FLT1: variants seen among roughly 807,000 people sequenced by gnomAD.
The protein encoded by FLT1 is vascular endothelial growth factor receptor 1.
In FLT1, 49 loss-of-function variants were observed where a neutral mutation model predicts 156.3. The observed-to-expected ratio is 0.31, with a 90% confidence interval of 0.25 to 0.40. The LOEUF (loss-of-function observed/expected upper bound fraction) is 0.40. Ranked by LOEUF, FLT1 falls within the 10% of genes least tolerant of loss-of-function variation. FLT1 has a pLI of 1.00. For missense variants in FLT1, 1,322 were observed against 1,637.2 expected, an observed-to-expected ratio of 0.81 and a Z score of 3.32; for synonymous variants, 594 against 583.8, an observed-to-expected ratio of 1.02 and a Z score of -0.25.
intron 25 of FLT1, among the ~76,000 whole-genome samples, chr13:28,314,406 A>T (rs1467149764): frequency 1.3e-5 from 2 of 152,242 alleles, no homozygotes; most frequent in Non-Finnish European, 2.9e-5. Context: ...AAAGAAAAAA[A>T]AAATAAAAAA....
intron 10 of FLT1, among the ~76,000 whole-genome samples, chr13:28,420,761 T>C (rs1415933497): frequency 1.3e-5 from 2 of 152,222 alleles, no homozygotes; most frequent in Admixed American, 1.3e-4. Flanking sequence ...TAACTACCAT[T>C]AACAATTGTC....
At chr13:28,480,882 C>T (rs583105) in intron 1 of FLT1, among the ~76,000 whole-genome samples, 13 of 152,248 alleles carry the variant, frequency 8.5e-5, no homozygotes, top group African/African-American at 1.9e-4. Flanking sequence ...CAGAGCACCA[C>T]GGAAGACGAC....
intron 3 of FLT1, 135 bp downstream of exon 3, chr13:28,466,768 A>G (rs755510360): frequency 2.8e-6 from 2 of 726,464 alleles, no homozygotes; most frequent in South Asian, 3.0e-5. Context: ...AAGTGTCTAC[A>G]ACTAGGATGG....
chr13:28,466,249 A>G (rs1040003591), intron 3 of FLT1, among the ~76,000 whole-genome samples: 3 of 152,220 alleles, frequency 2.0e-5, no homozygotes, highest in Non-Finnish European at 4.4e-5. Context: ...TCATTCTCTA[A>G]GGAAGGAAGA....
chr13:28,311,456 T>TTCTTTCTTTCTTTCTC (rs749936074), intron 27 of FLT1, 134 bp downstream of exon 27: 7 of 803,520 alleles, frequency 8.7e-6, no homozygotes, highest in South Asian at 1.8e-5. Flanking sequence ...AACATAATCT[T>TTCTTTCTTTCTTTCTC]TCTTTCTTTC....
chr13:28,368,567 AATG>A (rs754474404), intron 14 of FLT1: 55 of 1,474,402 alleles, frequency 3.7e-5, no homozygotes, highest in East Asian at 3.4e-4. Flanking sequence ...TGATGATGAT[AATG>A]ATGATAGCTA....
At chr13:28,319,952 T>C (rs1871373144) in intron 23 of FLT1, among the ~76,000 whole-genome samples, 1 of 152,190 alleles carries the variant, frequency 6.6e-6, no homozygotes, top group African/African-American at 2.4e-5. Flanking sequence ...AAAGCATTCC[T>C]ATGCAAAAAG....
At chr13:28,342,397 T>C (rs1364942439) in intron 16 of FLT1, among the ~76,000 whole-genome samples, 1 of 152,196 alleles carries the variant, frequency 6.6e-6, no homozygotes, top group Non-Finnish European at 1.5e-5. Context: ...CCCTTGCAGA[T>C]TTGGCAAGTT....
intron 10 of FLT1, among the ~76,000 whole-genome samples, chr13:28,412,381 T>TTTCCTTCCTTCC (rs771570277): frequency 2.3e-5 from 2 of 88,208 alleles, no homozygotes; most frequent in African/African-American, 7.6e-5. Flanking sequence ...TCTTTCTTTC[T>TTTCCTTCCTTCC]TTCTTTCTTT....
At chr13:28,417,119 A>C in intron 10 of FLT1, among the ~76,000 whole-genome samples, 1 of 152,212 alleles carries the variant, frequency 6.6e-6, no homozygotes, top group East Asian at 1.9e-4. Context: ...TCTGGCCAAT[A>C]GATAGCAGAA....
Position 28,339,315 on chromosome 13 carries a change from G to A in FLT1, c.2356-15C>T, listed in dbSNP as rs2138851964. Reference sequence around the variant, plus strand: ...TCAGAAGAAGACTGAGAAATAAAGAGATCTCAAAGTCATCGAGAAGAAAAC... The same window carrying A: ...TCAGAAGAAGACTGAGAAATAAAGAAATCTCAAAGTCATCGAGAAGAAAAC... On this transcript the variant is annotated splice_polypyrimidine_tract_variant and intron_variant, in intron 16 of 29. Transcript: ENST00000282397. The A allele has an allele frequency of 6.2e-7, 1 of 1,611,730 alleles. No individual in the cohort carries two copies. Among genetic ancestry groups the A allele is most frequent in the Non-Finnish European group, 8.5e-7 (1 of 1,178,688 alleles).
In FLT1 at chr13:28,429,884, G is replaced by T. The variant is rs186943830; in HGVS notation, c.1106+166C>A. The stretch of plus-strand genomic sequence containing the variant: ...TTGCTACATTATTTCCTTTTCCCCA[G>T]CCCTTCTCACCTCCACCACCCAAGA... On this transcript the variant is annotated intron_variant, in intron 8 of 29. Transcript: ENST00000282397. Among the ~76,000 whole-genome samples, 23 of 152,202 alleles carry T rather than the reference G, an allele frequency of 1.5e-4. No homozygotes were observed. In the East Asian group the frequency reaches 4.3e-3, roughly 28 times the overall value.
chr13:28,344,007 G>GCCCCCCCCCCCCCCC (rs1555302045), intron 16 of FLT1, among the ~76,000 whole-genome samples: 1 of 146,072 alleles, frequency 6.8e-6, no homozygotes. Context: ...ATTCACTCTT[G>GCCCCCCCCCCCCCCC]CCCCCCACCA....
intron 6 of FLT1, among the ~76,000 whole-genome samples, chr13:28,433,161 G>A (rs1877798148): frequency 6.6e-6 from 1 of 152,188 alleles, no homozygotes; most frequent in African/African-American, 2.4e-5. Context: ...AGAAATGGGG[G>A]CTAGAACTAC....
At chr13:28,375,354 A>C (rs893875684) in intron 14 of FLT1, among the ~76,000 whole-genome samples, 1 of 151,266 alleles carries the variant, frequency 6.6e-6, no homozygotes, top group Admixed American at 6.6e-5. Flanking sequence ...GTAATTGCAG[A>C]ATTGCAGAAA....
intron 10 of FLT1, among the ~76,000 whole-genome samples, chr13:28,412,208 T>TGGGTG (rs1876244591): frequency 6.6e-6 from 1 of 152,248 alleles, no homozygotes; most frequent in South Asian, 2.1e-4. Flanking sequence ...TCTGCTACTG[T>TGGGTG]GGGTGTCGTG....
Position 28,431,336 on chromosome 13 carries a change from TAGA to T in FLT1, c.814-29_814-27del, listed in dbSNP as rs1354149050. 4.5e-6 allele frequency: 7 copies of T among 1,542,510 alleles called. No homozygotes were observed. The Admixed American group carries it at 1.0e-4, about 22-fold the overall frequency. On this transcript the variant is annotated intron_variant, in intron 6 of 29. Coordinates refer to ENST00000282397, the MANE Select transcript of FLT1 (RefSeq NM_002019.4). ...CTAGAAAGAAAATGTATAACAAATG[TAGA>T]AGGAGTGAGTGTTCATGCTTAAAGT...
chr13:28,337,289 A>T (rs946239761), intron 17 of FLT1, among the ~76,000 whole-genome samples: 1 of 152,148 alleles, frequency 6.6e-6, no homozygotes, highest in Non-Finnish European at 1.5e-5. Context: ...TGCTGATAGT[A>T]ACCAACAAGT....
intron 14 of FLT1, among the ~76,000 whole-genome samples, chr13:28,364,721 T>C (rs542257939): frequency 6.6e-6 from 1 of 152,314 alleles, no homozygotes; most frequent in South Asian, 2.1e-4. Flanking sequence ...TCTGTTCAGA[T>C]ACTATCTGAA....
Sources: gnomAD v4.1 joint callset for allele counts (sites outside exome capture counted in the v4.1 genomes callset) on GRCh38, gnomAD v4.1.1 for gene constraint, MANE v1.5 for transcripts, NCBI Gene and HGNC (gene_info 2026-07-23, HGNC 2026-07-21) for gene names.